Variants in CRIM1 observed in about 807,000 individuals in gnomAD.
CRIM1 encodes the protein cysteine-rich motor neuron 1 protein.
CRIM1 carries 32 observed loss-of-function variants against 116.4 expected under a neutral mutation model. The ratio of observed to expected loss-of-function variants is 0.27; its 90% CI spans 0.21 to 0.37. CRIM1 has a LOEUF of 0.37. Ranked by LOEUF, CRIM1 falls within the 10% of genes least tolerant of loss-of-function variation. The pLI, the probability that CRIM1 is intolerant of heterozygous loss-of-function variation, is 1.00. For missense variants in CRIM1, 1,331 were observed against 1,354.8 expected, an observed-to-expected ratio of 0.98 and a Z score of 0.28; for synonymous variants, 590 against 509.2, an observed-to-expected ratio of 1.16 and a Z score of -2.13.
At chr2:36,466,544 G>A (rs1159932313) in intron 5 of CRIM1, among the ~76,000 whole-genome samples, 3 of 152,174 alleles carry the variant, frequency 2.0e-5, no homozygotes, top group African/African-American at 7.2e-5. Context: ...TCTCAGATAT[G>A]CTTCATCCAG....
In CRIM1 at chr2:36,540,949, C is replaced by G. The variant is rs752392795; in HGVS notation, c.2623+3403C>G. 2.0e-5 allele frequency among the ~76,000 whole-genome samples: 3 copies of G among 152,212 alleles called. No homozygotes were observed. In the East Asian group the frequency reaches 5.8e-4, roughly 29 times the overall value. ...TCATTAGAGATTTCTCCAGTGACTT[C>G]TCAGTTAAGATTTACTATTGGGTTG... On this transcript the variant is annotated intron_variant, in intron 14 of 16. Transcript: ENST00000280527.
At chr2:36,378,687 G>T (rs533643847) in intron 1 of CRIM1, 1 of 176,940 alleles carries the variant, frequency 5.7e-6, no homozygotes, top group Non-Finnish European at 1.2e-5. Context: ...ATTGTTCCTC[G>T]TGTGGCAACA....
At chr2:36,541,018 C>G (rs1666908208) in intron 14 of CRIM1, among the ~76,000 whole-genome samples, 2 of 152,198 alleles carry the variant, frequency 1.3e-5, no homozygotes. Flanking sequence ...CTGCTGTATT[C>G]CTGATGAAAC....
chr2:36,459,448 G>A (rs1453742905), intron 4 of CRIM1, among the ~76,000 whole-genome samples: 1 of 152,060 alleles, frequency 6.6e-6, no homozygotes, highest in East Asian at 1.9e-4. Flanking sequence ...CAGATTATTG[G>A]TTGGGTACCT....
At chr2:36,466,163 C>T (rs144213416) in intron 5 of CRIM1, among the ~76,000 whole-genome samples, 24 of 152,056 alleles carry the variant, frequency 1.6e-4, no homozygotes, top group Admixed American at 3.9e-4. Context: ...TGGGATTACA[C>T]GTGTGAGCCA....
rs893027978 is a variant in CRIM1, at chr2:36,549,052, C to T, written c.*351C>T. ...GGAAGAAAAATTGGTCAGCTTGGCTCGGGGAGAAACCTGGTAACATAAAAG... is the reference window on the plus strand; with the variant it reads ...GGAAGAAAAATTGGTCAGCTTGGCTTGGGGAGAAACCTGGTAACATAAAAG... On this transcript the variant is annotated 3_prime_UTR_variant, in exon 17 of 17. Coordinates refer to ENST00000280527, the MANE Select transcript of CRIM1 (RefSeq NM_016441.3). 4 of 163,830 alleles carry T rather than the reference C, an allele frequency of 2.4e-5. No homozygotes were observed. The highest frequency in any genetic ancestry group is 5.3e-5 in the Non-Finnish European group (4 of 75,660). 10.1% of individuals were successfully genotyped at this position (163,830 alleles called of 1,614,324 possible).
chr2:36,510,130 T>A lies in CRIM1; in HGVS notation c.1649T>A (p.Leu550His). 6.2e-7 allele frequency: 1 copy of A among 1,613,042 alleles called. No individual in the cohort carries two copies. The highest frequency in any genetic ancestry group is 8.5e-7 in the Non-Finnish European group (1 of 1,179,634). Residue 550 changes from leucine to histidine, a missense_variant, in exon 9 of 17, where the codon CTT (leucine) becomes CAT (histidine). By Grantham distance (99) the Leu-to-His change is moderately conservative. Around this residue, in one of 3 missense-constraint regions of CRIM1, gnomAD observed 358 missense variants for 436.1 expected, o/e 0.82. Transcript: ENST00000280527. ...RPIICDKYCPLGLLKNKHGCD... is the reference protein window; with the variant it reads ...RPIICDKYCPHGLLKNKHGCD... ...ATAATCTGTGACAAGTATTGTCCAC[T>A]TGGATTGCTGTACGTATTTGTTAAT...
At chr2:36,500,458 A>C (rs890245228) in intron 8 of CRIM1, among the ~76,000 whole-genome samples, 4 of 152,174 alleles carry the variant, frequency 2.6e-5, no homozygotes, top group African/African-American at 9.7e-5. Context: ...AAACACTAGG[A>C]ACTTTTTTAC....
chr2:36,390,018 G>A (rs1334857480), intron 1 of CRIM1, among the ~76,000 whole-genome samples: 4 of 151,998 alleles, frequency 2.6e-5, no homozygotes, highest in African/African-American at 7.2e-5. Context: ...CTGCCCTCAG[G>A]ATGGAAACTT....
At chr2:36,511,381 C>T (rs2125109328) in intron 9 of CRIM1, among the ~76,000 whole-genome samples, 1 of 152,256 alleles carries the variant, frequency 6.6e-6, no homozygotes, top group Middle Eastern at 3.4e-3. Context: ...AAATTGGAAA[C>T]ATTGTTCCGT....
intron 7 of CRIM1, among the ~76,000 whole-genome samples, chr2:36,492,906 G>C (rs1305934644): frequency 6.6e-6 from 1 of 152,144 alleles, no homozygotes; most frequent in Non-Finnish European, 1.5e-5. Flanking sequence ...CCTGAAGTAA[G>C]TCTGAAAAGA....
At chr2:36,472,978 G>T (rs888327708) in intron 5 of CRIM1, among the ~76,000 whole-genome samples, 2 of 152,124 alleles carry the variant, frequency 1.3e-5, no homozygotes, top group Admixed American at 1.3e-4. Context: ...ACTAAGGAAG[G>T]AGTTTAAACA....
chr2:36,477,642 T>C (rs1304980545), intron 6 of CRIM1, among the ~76,000 whole-genome samples: 1 of 152,224 alleles, frequency 6.6e-6, no homozygotes, highest in Non-Finnish European at 1.5e-5. Context: ...CCCAGCCAGG[T>C]GTCAGGTGTG....
At chr2:36,433,213 C>G (rs1675031459) in intron 2 of CRIM1, among the ~76,000 whole-genome samples, 1 of 148,826 alleles carries the variant, frequency 6.7e-6, no homozygotes, top group Admixed American at 6.7e-5. Context: ...GTCTAAGTTT[C>G]TGCATTTCCA....
chr2:36,437,360 G>A (rs1675398684), intron 2 of CRIM1, among the ~76,000 whole-genome samples: 1 of 151,632 alleles, frequency 6.6e-6, no homozygotes, highest in South Asian at 2.1e-4. Context: ...GGGTGACAGA[G>A]CGAGACTCCA....
At chr2:36,380,345 A>C (rs1222220253) in intron 1 of CRIM1, among the ~76,000 whole-genome samples, 1 of 152,106 alleles carries the variant, frequency 6.6e-6, no homozygotes, top group African/African-American at 2.4e-5. Context: ...AGCACTGCCC[A>C]CTATGTCATG....
rs186810345 is a variant in CRIM1 at position 36,522,876 on chromosome 2, T to A, written c.2428+563T>A. The stretch of plus-strand genomic sequence containing the variant: ...AGAATGTCATACTGTTACAGCACTG[T>A]CGTGTTCTATCGGGGTCCTTGGCCA... On this transcript the variant is annotated intron_variant, in intron 13 of 16. Transcript: ENST00000280527. Among the ~76,000 whole-genome samples the A allele has an allele frequency of 7.9e-5, 12 of 151,832 alleles. No individual in the cohort carries two copies. The East Asian group carries it at 2.1e-3, about 27-fold the overall frequency.
chr2:36,428,648 T>TG (rs1674641157), intron 2 of CRIM1, among the ~76,000 whole-genome samples: 1 of 152,238 alleles, frequency 6.6e-6, no homozygotes, highest in African/African-American at 2.4e-5. Flanking sequence ...TTCCTGGAGT[T>TG]AATGAGTAAG....
At chr2:36,474,932 T>C (rs1024976145) in intron 5 of CRIM1, among the ~76,000 whole-genome samples, 1 of 151,988 alleles carries the variant, frequency 6.6e-6, no homozygotes, top group African/African-American at 2.4e-5. Flanking sequence ...AGTTTATTCC[T>C]GAACTCTCAA....
Sources: gnomAD v4.1 joint callset for allele counts (sites outside exome capture counted in the v4.1 genomes callset) on GRCh38, gnomAD v4.1.1 for gene constraint, gnomAD v4.1.1 regional missense constraint, MANE v1.5 for transcripts, NCBI Gene and HGNC (gene_info 2026-07-23, HGNC 2026-07-21) for gene names.